Variants in LBH observed in about 807,000 individuals in gnomAD.
LBH encodes the protein protein LBH.
In LBH, 7 loss-of-function variants were observed where a neutral mutation model predicts 12.5. That is an observed-to-expected ratio of 0.56 (90% confidence interval 0.32 to 1.05). The LOEUF is 1.05. Ranked by LOEUF, LBH falls within the 50% of genes least tolerant of loss-of-function variation. The probability of loss-of-function intolerance (pLI) is 0.04; values close to 1 mark genes in which losing one functional copy is unlikely to be tolerated. For synonymous variants in LBH, 51 were observed against 50.1 expected, an observed-to-expected ratio of 1.02 and a Z score of -0.08; for missense variants, 119 against 138.9, an observed-to-expected ratio of 0.86 and a Z score of 0.72.
intron 2 of LBH, among the ~76,000 whole-genome samples, chr2:30,245,137 TAAA>T (rs967730703): frequency 1.3e-5 from 2 of 152,116 alleles, no homozygotes; most frequent in African/African-American, 4.8e-5. Context: ...CTTTCAAACA[TAAA>T]AATATATTAC....
At chr2:30,245,315 G>T (rs1677852842) in intron 2 of LBH, among the ~76,000 whole-genome samples, 1 of 152,216 alleles carries the variant, frequency 6.6e-6, no homozygotes, top group Non-Finnish European at 1.5e-5. Flanking sequence ...ATTTAAAAGA[G>T]TGGTATGTAT....
At chr2:30,242,605 C>T (rs932071782) in intron 2 of LBH, among the ~76,000 whole-genome samples, 1 of 152,160 alleles carries the variant, frequency 6.6e-6, no homozygotes, top group Non-Finnish European at 1.5e-5. Context: ...AAAAAATCCA[C>T]ACCCATATTT....
At chr2:30,246,962 A>G (rs1223556319) in intron 2 of LBH, among the ~76,000 whole-genome samples, 1 of 151,740 alleles carries the variant, frequency 6.6e-6, no homozygotes, top group Non-Finnish European at 1.5e-5. Flanking sequence ...CCCTATGACT[A>G]TAGATATGTG....
chr2:30,239,155 G>C (rs1278705350), intron 2 of LBH, among the ~76,000 whole-genome samples: 1 of 152,080 alleles, frequency 6.6e-6, no homozygotes, highest in Non-Finnish European at 1.5e-5. Flanking sequence ...GGCTCAGTTT[G>C]TTTCATCACC....
intron 2 of LBH, among the ~76,000 whole-genome samples, chr2:30,242,118 T>C (rs971083409): frequency 6.6e-6 from 1 of 152,238 alleles, no homozygotes; most frequent in Non-Finnish European, 1.5e-5. Flanking sequence ...CAGTTTTTTA[T>C]AAATCTTTGT....
chr2:30,244,053 G>T (rs952567707), intron 2 of LBH, among the ~76,000 whole-genome samples: 1 of 152,208 alleles, frequency 6.6e-6, no homozygotes, highest in African/African-American at 2.4e-5. Flanking sequence ...CATTTATGTA[G>T]TGGTAGATTT....
intron 2 of LBH, among the ~76,000 whole-genome samples, chr2:30,253,163 C>T (rs1024918636): frequency 4.6e-5 from 7 of 152,180 alleles, no homozygotes; most frequent in African/African-American, 9.7e-5. Flanking sequence ...CTACCCCACC[C>T]GTCAAATTGC....
At position 30,231,914 on chromosome 2, in the gene LBH, G is replaced by A. The variant is rs901070899; in HGVS notation, c.26+150G>A. Reference sequence around the variant, plus strand: ...CGCCCGAGCCCGTGCAGGAGTCAACGTCAAGGTTGCAAAGGTGGGGGTGGG... The same window carrying A: ...CGCCCGAGCCCGTGCAGGAGTCAACATCAAGGTTGCAAAGGTGGGGGTGGG... On this transcript the variant is annotated intron_variant, in intron 1 of 2. Coordinates refer to ENST00000395323, the MANE Select transcript of LBH (RefSeq NM_030915.4). 5.7e-5 allele frequency: 17 copies of A among 300,590 alleles called. No homozygotes were observed. The Admixed American group carries it at 6.2e-4, about 11-fold the overall frequency. 18.6% of individuals were successfully genotyped at this position (300,590 alleles called of 1,614,324 possible).
chr2:30,236,108 T>G (rs1458046285), intron 2 of LBH, among the ~76,000 whole-genome samples: 1 of 152,168 alleles, frequency 6.6e-6, no homozygotes, highest in Non-Finnish European at 1.5e-5. Flanking sequence ...CGGTTCTGGG[T>G]TTTAGATTTC....
chr2:30,256,223 G>T (rs547228118), intron 2 of LBH, among the ~76,000 whole-genome samples: 1 of 152,340 alleles, frequency 6.6e-6, no homozygotes, highest in South Asian at 2.1e-4. Flanking sequence ...TTATAGCTGG[G>T]TTTGGAGTTT....
rs1182475560 is a variant in LBH, at chr2:30,258,300, C to A, written c.*679C>A. ...AAGTGCAGGAAAGGAAAGGTCACCCCATTCTACTCCATGGCCTCTCTGCTC... is the reference window on the plus strand; with the variant it reads ...AAGTGCAGGAAAGGAAAGGTCACCCAATTCTACTCCATGGCCTCTCTGCTC... On this transcript the variant is annotated 3_prime_UTR_variant, in exon 3 of 3. Transcript: ENST00000395323. 4 of 152,436 alleles carry A rather than the reference C, an allele frequency of 2.6e-5. No individual in the cohort carries two copies. Among genetic ancestry groups the A allele is most frequent in the African/African-American group, 9.7e-5 (4 of 41,444 alleles). 9.4% of individuals were successfully genotyped at this position (152,436 alleles called of 1,614,324 possible). A position where few individuals can be genotyped will look rare whatever the true frequency, so the allele number is the denominator to read the frequency against.
At chr2:30,232,054 C>T in intron 1 of LBH, 1 of 1,432,326 alleles carries the variant, frequency 7.0e-7, no homozygotes, top group Non-Finnish European at 9.3e-7. Context: ...CGTGTGAATC[C>T]CCCCCAATGA....
chr2:30,254,982 G>T (rs1008296058), intron 2 of LBH, among the ~76,000 whole-genome samples: 1 of 152,246 alleles, frequency 6.6e-6, no homozygotes, highest in East Asian at 1.9e-4. Flanking sequence ...GTGAAATGGG[G>T]TGGAGACCCA....
chr2:30,240,924 AT>A (rs1441537660), intron 2 of LBH, among the ~76,000 whole-genome samples: 1 of 152,246 alleles, frequency 6.6e-6, no homozygotes, highest in Non-Finnish European at 1.5e-5. Flanking sequence ...ATAAAATGGA[AT>A]TGGTCTAAGC....
At chr2:30,238,537 A>C (rs1677730264) in intron 2 of LBH, among the ~76,000 whole-genome samples, 1 of 152,200 alleles carries the variant, frequency 6.6e-6, no homozygotes. Context: ...GGAGGAAGCC[A>C]GGAGGAGCGA....
intron 2 of LBH, among the ~76,000 whole-genome samples, chr2:30,242,712 C>T (rs1002699134): frequency 1.3e-5 from 2 of 152,180 alleles, no homozygotes; most frequent in African/African-American, 4.8e-5. Flanking sequence ...TAGTGAATCC[C>T]TTTTTCACTT....
intron 2 of LBH, among the ~76,000 whole-genome samples, chr2:30,255,860 C>A (rs1444195629): frequency 6.6e-6 from 1 of 152,238 alleles, no homozygotes; most frequent in Non-Finnish European, 1.5e-5. Context: ...CAGATCTCTT[C>A]AAATGTGTCT....
At chr2:30,257,330 C>A (rs6548005) in intron 2 of LBH, 103 bp from the exon 3 acceptor site, 11 of 1,286,812 alleles carry the variant, frequency 8.5e-6, no homozygotes, top group Admixed American at 5.3e-5. Context: ...AGTCCCTGGC[C>A]TATGGCATGC....
At chr2:30,232,078 G>A in intron 1 of LBH, 1 of 1,522,216 alleles carries the variant, frequency 6.6e-7, no homozygotes, top group Non-Finnish European at 8.8e-7. Flanking sequence ...CACCCTATGC[G>A]GAGAGCTGCA....
Sources: gnomAD v4.1 joint callset for allele counts (sites outside exome capture counted in the v4.1 genomes callset) on GRCh38, gnomAD v4.1.1 for gene constraint, MANE v1.5 for transcripts, NCBI Gene and HGNC (gene_info 2026-07-23, HGNC 2026-07-21) for gene names.